MKLN1: variants seen among roughly 807,000 people sequenced by gnomAD.
MKLN1 encodes muskelin.
Under a neutral mutation model 99.0 loss-of-function variants are expected in MKLN1, and 18 were observed. The observed-to-expected ratio is 0.18, with a 90% CI of 0.13 to 0.27. The LOEUF (loss-of-function observed/expected upper bound fraction) is 0.27, where lower values mean the gene tolerates loss of function less well. Among genes scored for constraint, MKLN1 ranks in the 10% least tolerant of loss-of-function variants. The pLI is 1.00. For missense variants in MKLN1, 621 were observed against 875.9 expected (o/e 0.71, Z 3.67); for synonymous variants, 288 against 293.2 (o/e 0.98, Z 0.18).
intron 3 of MKLN1, among the ~76,000 whole-genome samples, chr7:131,313,246 TA>T (rs1798601877): frequency 6.6e-6 from 1 of 152,226 alleles, no homozygotes; most frequent in African/African-American, 2.4e-5. Flanking sequence ...TTATATTATT[TA>T]TGAGCACGTT....
intron 1 of MKLN1, among the ~76,000 whole-genome samples, chr7:131,370,370 GTT>G (rs76887131): frequency 1.1e-5 from 1 of 89,020 alleles, no homozygotes. Context: ...GATTTAAAGT[GTT>G]TTTTTTTTTT....
intron 17 of MKLN1, among the ~76,000 whole-genome samples, chr7:131,483,238 T>C (rs1562888730): frequency 6.6e-6 from 1 of 152,190 alleles, no homozygotes; most frequent in East Asian, 1.9e-4. Flanking sequence ...CCCCACCCCT[T>C]TTTAATTTAT....
chr7:131,297,963 A>G (rs1273588102), intron 3 of MKLN1, among the ~76,000 whole-genome samples: 4 of 152,080 alleles, frequency 2.6e-5, no homozygotes, highest in Admixed American at 2.6e-4. Context: ...TCTTTGTGGA[A>G]TTTCTTCAGG....
chr7:131,424,921 T>A (rs1257884667), intron 8 of MKLN1, among the ~76,000 whole-genome samples: 1 of 152,186 alleles, frequency 6.6e-6, no homozygotes, highest in East Asian at 1.9e-4. Context: ...AAGTTCAAAG[T>A]CTTTATCCTG....
At chr7:131,118,052 G>A (rs548246850) in intron 1 of MKLN1, among the ~76,000 whole-genome samples, 2 of 152,268 alleles carry the variant, frequency 1.3e-5, no homozygotes, top group African/African-American at 4.8e-5. Flanking sequence ...GGGAGGTATT[G>A]GATCATGGGG....
chr7:131,440,256 G>T (rs1795799892), intron 10 of MKLN1, among the ~76,000 whole-genome samples: 1 of 152,178 alleles, frequency 6.6e-6, no homozygotes, highest in Non-Finnish European at 1.5e-5. Flanking sequence ...TTTTGCAATG[G>T]CCAGTAAGAA....
chr7:131,474,167 G>C (rs952750888), intron 16 of MKLN1, among the ~76,000 whole-genome samples: 6 of 152,138 alleles, frequency 3.9e-5, no homozygotes, highest in Non-Finnish European at 5.9e-5. Context: ...AGTAATAGTA[G>C]AGCAGTGAGA....
At chr7:131,418,871 G>A (rs547562169) in intron 8 of MKLN1, among the ~76,000 whole-genome samples, 1 of 152,244 alleles carries the variant, frequency 6.6e-6, no homozygotes, top group East Asian at 1.9e-4. Context: ...ACATGCCCTG[G>A]AACTCAATAG....
intron 3 of MKLN1, among the ~76,000 whole-genome samples, chr7:131,246,186 A>G (rs1797485663): frequency 6.6e-6 from 1 of 152,200 alleles, no homozygotes; most frequent in African/African-American, 2.4e-5. Flanking sequence ...TTGACTTGTC[A>G]CCGGAGAACA....
intron 2 of MKLN1, among the ~76,000 whole-genome samples, chr7:131,186,242 G>A (rs778979536): frequency 5.3e-5 from 8 of 152,132 alleles, no homozygotes; most frequent in Non-Finnish European, 7.4e-5. Context: ...GGTGGCTCAC[G>A]CCAGTAATCC....
intron 6 of MKLN1, among the ~76,000 whole-genome samples, chr7:131,405,673 T>C (rs1036711625): frequency 6.6e-6 from 1 of 152,118 alleles, no homozygotes; most frequent in African/African-American, 2.4e-5. Context: ...CATTATGAAA[T>C]GAAATGGCTC....
chr7:131,117,157 C>T (rs545454002), intron 1 of MKLN1, among the ~76,000 whole-genome samples: 3 of 152,074 alleles, frequency 2.0e-5, no homozygotes, highest in South Asian at 2.1e-4. Context: ...AGAGGCTGGG[C>T]GCGGTGGCTC....
chr7:131,216,902 A>G (rs993411151), intron 3 of MKLN1, among the ~76,000 whole-genome samples: 2 of 152,152 alleles, frequency 1.3e-5, no homozygotes, highest in Non-Finnish European at 2.9e-5. Context: ...CTCTGGGCCC[A>G]TACCTGGCTT....
In MKLN1 at chr7:131,254,744, T is replaced by C. The variant is rs73491175; in HGVS notation, c.-179+51770T>C. ...TTGAAGATAGATAGAGATTATTTAATCTCAAGAAGAGAGAAAAAAGAACGA... is the reference window on the plus strand; with the variant it reads ...TTGAAGATAGATAGAGATTATTTAACCTCAAGAAGAGAGAAAAAAGAACGA... On this transcript the variant is annotated intron_variant, in intron 3 of 7. Transcript: ENST00000416992. Among the ~76,000 whole-genome samples the C allele has an allele frequency of 5.0e-3, 758 of 151,784 alleles. 8 individuals are homozygous for C. The highest frequency in any genetic ancestry group is 0.018 in the African/African-American group (737 of 41,404).
chr7:131,173,936 A>T (rs1796253094), intron 2 of MKLN1, among the ~76,000 whole-genome samples: 1 of 151,104 alleles, frequency 6.6e-6, no homozygotes, highest in South Asian at 2.1e-4. Flanking sequence ...TTCAGTTTTC[A>T]CTTTGCTTCT....
In MKLN1 at chr7:131,337,635, T is replaced by C. The variant is rs577743692; in HGVS notation, c.98+9638T>C. Among the ~76,000 whole-genome samples the C allele has an allele frequency of 1.9e-4, 29 of 152,048 alleles. No homozygotes were observed. In the East Asian group the frequency reaches 3.7e-3, roughly 19 times the overall value. The stretch of plus-strand genomic sequence containing the variant: ...ATTAATCAAATTGCTTTAAAGTCTG[T>C]GTCTGAAAACTTCAATATCTGTATC... On this transcript the variant is annotated intron_variant, in intron 1 of 17. Coordinates refer to ENST00000352689, the MANE Select transcript of MKLN1 (RefSeq NM_013255.5).
intron 3 of MKLN1, among the ~76,000 whole-genome samples, chr7:131,246,322 A>G (rs1243370788): frequency 6.6e-6 from 1 of 151,972 alleles, no homozygotes; most frequent in Non-Finnish European, 1.5e-5. Context: ...TTGTGTCTTC[A>G]CCCCCAGCCA....
intron 3 of MKLN1, among the ~76,000 whole-genome samples, chr7:131,237,261 G>A (rs746698823): frequency 1.4e-4 from 21 of 152,178 alleles, no homozygotes; most frequent in African/African-American, 1.9e-4. Flanking sequence ...GTTTCCAGGC[G>A]GATTTACATT....
At chr7:131,192,079 A>G (rs149101438) in intron 2 of MKLN1, among the ~76,000 whole-genome samples, 864 of 71,496 alleles carry the variant, frequency 0.012, 110 homozygotes, top group Admixed American at 0.097. Flanking sequence ...ATATATATAC[A>G]TATATATTAT....
Sources: gnomAD v4.1 joint callset for allele counts (sites outside exome capture counted in the v4.1 genomes callset) on GRCh38, gnomAD v4.1.1 for gene constraint, MANE v1.5 for transcripts, NCBI Gene and HGNC (gene_info 2026-07-23, HGNC 2026-07-21) for gene names.